Variants in PTPRD observed in about 807,000 individuals in gnomAD.
PTPRD encodes receptor-type tyrosine-protein phosphatase delta.
A neutral mutation model predicts 214.5 loss-of-function variants in PTPRD; 34 were observed. That is an observed-to-expected ratio of 0.16 (90% CI 0.12 to 0.21). The LOEUF is 0.21. PTPRD is among the 10% of genes least tolerant of loss of function. The pLI is 1.00. For missense variants in PTPRD, 2,545 were observed against 2,398.7 expected (o/e 1.06, Z -1.27); for synonymous variants, 1,128 against 845.7 (o/e 1.33, Z -5.79).
Position 8,809,328 on chromosome 9 carries a change from A to C in PTPRD, c.-103-75382T>G, listed in dbSNP as rs148422509. Among the ~76,000 whole-genome samples, 253 of 152,286 alleles carry C rather than the reference A, an allele frequency of 1.7e-3. 1 individual carries two copies. Among genetic ancestry groups the C allele is most frequent in the African/African-American group, 5.8e-3 (241 of 41,562 alleles). On this transcript the variant is annotated intron_variant, in intron 11 of 45. Coordinates refer to ENST00000381196, the MANE Select transcript of PTPRD (RefSeq NM_002839.4). ...AAGTTTCTTATAATCTCTGACATAC[A>C]GTGTAAGGTAGCCAGGGTAGAAATT...
chr9:9,254,125 C>G (rs1017257866), intron 9 of PTPRD, among the ~76,000 whole-genome samples: 1 of 152,084 alleles, frequency 6.6e-6, no homozygotes, highest in African/African-American at 2.4e-5. Flanking sequence ...ATTACATCTT[C>G]TAAGCAAAGA....
At chr9:9,416,227 T>C (rs1001912094) in intron 8 of PTPRD, among the ~76,000 whole-genome samples, 5 of 152,166 alleles carry the variant, frequency 3.3e-5, no homozygotes, top group Admixed American at 3.3e-4. Flanking sequence ...ATCGGTTCTC[T>C]TGTCTGAAAT....
At chr9:8,735,910 CAAAA>C (rs34573821) in intron 11 of PTPRD, among the ~76,000 whole-genome samples, 23,074 of 130,994 alleles carry the variant, frequency 0.18, 1,873 homozygotes, top group East Asian at 0.42. Flanking sequence ...GACTTCGTCT[CAAAA>C]AAAAAAAAAA....
At position 9,647,333 on chromosome 9, in the gene PTPRD, T is replaced by A. The variant is rs540918723; in HGVS notation, c.-286-72552A>T. Among the ~76,000 whole-genome samples, 6 of 152,206 alleles carry A rather than the reference T, an allele frequency of 3.9e-5. No homozygotes were observed. In the East Asian group the frequency reaches 1.2e-3, roughly 29 times the overall value. On this transcript the variant is annotated intron_variant, in intron 7 of 45. Coordinates refer to ENST00000381196, the MANE Select transcript of PTPRD (RefSeq NM_002839.4). The stretch of plus-strand genomic sequence containing the variant: ...AAAATCTAAATAATTTTGTATCTGA[T>A]TCTGTTTCCTTGTTTCTACTGGCTT...
chr9:10,236,249 G>C (rs10958968), intron 3 of PTPRD, among the ~76,000 whole-genome samples: 29 of 151,440 alleles, frequency 1.9e-4, no homozygotes, highest in Non-Finnish European at 3.2e-4. Flanking sequence ...GTTTGATACA[G>C]ATTTAATTGG....
intron 9 of PTPRD, among the ~76,000 whole-genome samples, chr9:9,345,158 A>G (rs886099936): frequency 1.3e-5 from 2 of 152,194 alleles, no homozygotes; most frequent in Admixed American, 6.5e-5. Context: ...TAATTTTAGG[A>G]CAAAGTACCA....
chr9:8,959,373 G>C (rs372255743), intron 11 of PTPRD, among the ~76,000 whole-genome samples: 56 of 152,136 alleles, frequency 3.7e-4, no homozygotes, highest in African/African-American at 1.3e-3. Context: ...GAGTTGAGGA[G>C]AGCCAGGAAA....
At position 8,341,223 on chromosome 9, in the gene PTPRD, T is replaced by G; in HGVS notation, c.4993A>C (p.Asn1665His). The G allele has an allele frequency of 6.2e-7, 1 of 1,612,864 alleles. No individual in the cohort carries two copies. Among genetic ancestry groups the G allele is most frequent in the Non-Finnish European group, 8.5e-7 (1 of 1,179,380 alleles). Residue 1665 changes from asparagine to histidine, a missense_variant, in exon 41 of 46, where the codon AAT becomes CAT. Coordinates refer to ENST00000381196, the MANE Select transcript of PTPRD (RefSeq NM_002839.4). ...TTTTTGAATTTATTACATGGAAGAT[T>G]GGCACTGATAAACCTTGAGGTGTGA... Reference protein sequence around the residue: ...KAHTSRFISANLPCNKFKNRL... With the variant: ...KAHTSRFISAHLPCNKFKNRL...
chr9:8,460,685 T>A, intron 32 of PTPRD, 114 bp from the exon 33 acceptor site: 1 of 1,029,058 alleles, frequency 9.7e-7, no homozygotes, highest in Non-Finnish European at 1.4e-6. Flanking sequence ...GATAAGTGTG[T>A]GATGCAATAT....
intron 8 of PTPRD, among the ~76,000 whole-genome samples, chr9:9,416,353 G>C (rs561999888): frequency 6.6e-6 from 1 of 152,296 alleles, no homozygotes; most frequent in Admixed American, 6.5e-5. Flanking sequence ...AATGTGATTT[G>C]AGTCCCAGCT....
chr9:8,323,028 G>A (rs191462094), intron 44 of PTPRD, among the ~76,000 whole-genome samples: 2 of 152,264 alleles, frequency 1.3e-5, no homozygotes, highest in Admixed American at 6.5e-5. Context: ...TTTTAGTAAG[G>A]AAGGCACGTT....
At chr9:9,080,571 A>C (rs571960788) in intron 10 of PTPRD, among the ~76,000 whole-genome samples, 3 of 152,064 alleles carry the variant, frequency 2.0e-5, no homozygotes, top group Non-Finnish European at 4.4e-5. Flanking sequence ...ACATAGCTAC[A>C]GGCAGTAGAG....
intron 8 of PTPRD, among the ~76,000 whole-genome samples, chr9:9,424,185 A>C (rs1387700778): frequency 6.6e-6 from 1 of 152,144 alleles, no homozygotes; most frequent in African/African-American, 2.4e-5. Flanking sequence ...ATGGCTGAAA[A>C]ATTTGTTGCC....
intron 8 of PTPRD, among the ~76,000 whole-genome samples, chr9:9,474,147 T>A (rs895539329): frequency 6.6e-6 from 1 of 152,076 alleles, no homozygotes; most frequent in African/African-American, 2.4e-5. Context: ...TGGTGAGAGA[T>A]AGGGGTTTAA....
chr9:8,460,219 T>C (rs986411312), intron 33 of PTPRD, 192 bp downstream of exon 33: 37 of 717,460 alleles, frequency 5.2e-5, no homozygotes, highest in Non-Finnish European at 1.9e-5. Context: ...ATACCAAAAC[T>C]GAATAAGATT....
intron 14 of PTPRD, among the ~76,000 whole-genome samples, chr9:8,533,986 CAT>C (rs1415772163): frequency 1.3e-5 from 2 of 152,014 alleles, no homozygotes; most frequent in Non-Finnish European, 2.9e-5. Context: ...AAAGCTATCT[CAT>C]AGTCTCATTA....
intron 34 of PTPRD, among the ~76,000 whole-genome samples, chr9:8,440,395 A>G (rs556693270): frequency 6.6e-6 from 1 of 151,838 alleles, no homozygotes; most frequent in East Asian, 1.9e-4. Flanking sequence ...GGCTCACTGT[A>G]AGCTCTACCT....
intron 12 of PTPRD, among the ~76,000 whole-genome samples, chr9:8,716,525 T>C (rs1288601632): frequency 2.0e-5 from 3 of 152,198 alleles, no homozygotes; most frequent in Non-Finnish European, 2.9e-5. Flanking sequence ...TTCATTTCAG[T>C]TCTACAAATT....
intron 30 of PTPRD, among the ~76,000 whole-genome samples, chr9:8,480,930 G>C (rs1463862972): frequency 3.3e-5 from 5 of 152,056 alleles, no homozygotes; most frequent in African/African-American, 4.8e-5. Context: ...ACGAGGTCAG[G>C]AGATCGAGAC....
Sources: gnomAD v4.1 joint callset for allele counts (sites outside exome capture counted in the v4.1 genomes callset) on GRCh38, gnomAD v4.1.1 for gene constraint, MANE v1.5 for transcripts, NCBI Gene and HGNC (gene_info 2026-07-23, HGNC 2026-07-21) for gene names.